Variants in RAB2A observed in about 807,000 individuals in gnomAD.
RAB2A encodes the protein RAB2A, member RAS oncogene family, also known as ras-related protein Rab-2A.
A neutral mutation model predicts 32.5 loss-of-function variants in RAB2A; 7 were observed. That is an observed-to-expected ratio of 0.22 (90% confidence interval 0.12 to 0.40). The LOEUF (loss-of-function observed/expected upper bound fraction) is 0.40. Ranked by LOEUF, RAB2A falls within the 10% of genes least tolerant of loss-of-function variation. RAB2A has a pLI of 1.00. For missense variants in RAB2A, 108 were observed against 260.7 expected, an observed-to-expected ratio of 0.41 and a Z score of 4.03; for synonymous variants, 79 against 85.2, an observed-to-expected ratio of 0.93 and a Z score of 0.40.
intron 1 of RAB2A, among the ~76,000 whole-genome samples, chr8:60,550,008 C>A (rs1408168967): frequency 6.6e-6 from 1 of 151,412 alleles, no homozygotes; most frequent in South Asian, 2.1e-4. Context: ...TTTGCTGATT[C>A]CTCTTTACAT....
chr8:60,549,340 C>G (rs1293672767), intron 1 of RAB2A, among the ~76,000 whole-genome samples: 2 of 152,206 alleles, frequency 1.3e-5, no homozygotes, highest in South Asian at 4.1e-4. Context: ...TGCACTCCAG[C>G]CTGGGCACCA....
chr8:60,607,797 A>T (rs554977820), intron 6 of RAB2A, among the ~76,000 whole-genome samples: 1 of 152,228 alleles, frequency 6.6e-6, no homozygotes, highest in African/African-American at 2.4e-5. Flanking sequence ...TCACAGGACA[A>T]TCAGGCAGAG....
intron 1 of RAB2A, among the ~76,000 whole-genome samples, chr8:60,523,926 G>A (rs1300977381): frequency 6.6e-6 from 1 of 151,944 alleles, no homozygotes; most frequent in Non-Finnish European, 1.5e-5. Flanking sequence ...TCCTGACCTC[G>A]TGATCCGCCT....
intron 6 of RAB2A, among the ~76,000 whole-genome samples, chr8:60,611,765 G>A (rs977785397): frequency 6.6e-5 from 10 of 152,088 alleles, no homozygotes; most frequent in African/African-American, 1.9e-4. Flanking sequence ...ATAACTTGGA[G>A]TAAAATTTTT....
chr8:60,516,913 C>T (rs1807210967), upstream of RAB2A: 1 of 270,296 alleles, frequency 3.7e-6, no homozygotes, highest in South Asian at 7.6e-5. Context: ...CCTCCCCTTT[C>T]CTCCGGCGGC....
chr8:60,548,865 C>T (rs1199275785), intron 1 of RAB2A, among the ~76,000 whole-genome samples: 10 of 151,402 alleles, frequency 6.6e-5, no homozygotes, highest in Admixed American at 3.3e-4. Flanking sequence ...CGGGCAGAGA[C>T]GCTCCTCACT....
At chr8:60,544,450 G>A (rs10096140) in intron 1 of RAB2A, among the ~76,000 whole-genome samples, 83,216 of 151,578 alleles carry the variant, frequency 0.55, 26,332 homozygotes, top group African/African-American at 0.88. Flanking sequence ...TCAGTTTAAC[G>A]TTTGTATTAA....
intron 1 of RAB2A, among the ~76,000 whole-genome samples, chr8:60,553,265 T>C (rs563359055): frequency 1.8e-4 from 28 of 152,338 alleles, no homozygotes; most frequent in Non-Finnish European, 3.5e-4. Context: ...CAGGACAGGC[T>C]GTAACCCACA....
intron 3 of RAB2A, among the ~76,000 whole-genome samples, chr8:60,579,341 C>A (rs1803696385): frequency 1.3e-5 from 2 of 152,208 alleles, no homozygotes. Context: ...CCACACCCAG[C>A]TAATCCTGTG....
intron 3 of RAB2A, chr8:60,583,995 A>G: frequency 2.4e-6 from 1 of 422,482 alleles, no homozygotes; most frequent in Non-Finnish European, 4.4e-6. Flanking sequence ...TGCAGGAGCG[A>G]CTACATGTGC....
At chr8:60,544,333 C>A (rs199704189) in intron 1 of RAB2A, among the ~76,000 whole-genome samples, 2 of 20 alleles carry the variant, frequency 0.1, no homozygotes, top group South Asian at 0.5. Flanking sequence ...AGCCACCACG[C>A]CCCAGCCCAA....
intron 3 of RAB2A, 135 bp downstream of exon 3, chr8:60,572,248 T>G (rs1294024504): frequency 3.3e-6 from 2 of 612,352 alleles, no homozygotes; most frequent in Non-Finnish European, 5.5e-6. Flanking sequence ...TGAGATGAAA[T>G]GTGGTGCTGG....
chr8:60,550,020 T>A (rs1260440283), intron 1 of RAB2A, among the ~76,000 whole-genome samples: 1 of 152,250 alleles, frequency 6.6e-6, no homozygotes, highest in Non-Finnish European at 1.5e-5. Flanking sequence ...TCTTTACATG[T>A]GGCTTATCTT....
chr8:60,595,518 A>G (rs1243308937), intron 6 of RAB2A, among the ~76,000 whole-genome samples: 1 of 152,266 alleles, frequency 6.6e-6, no homozygotes, highest in Non-Finnish European at 1.5e-5. Context: ...TCCAAATACA[A>G]CAGTACAGTT....
intron 3 of RAB2A, 66 bp from the exon 4 acceptor site, chr8:60,584,142 G>A (rs1269208058): frequency 2.3e-6 from 3 of 1,276,620 alleles, no homozygotes; most frequent in East Asian, 4.7e-5. Flanking sequence ...TTCTGTATAT[G>A]AATAATATGA....
At chr8:60,580,177 T>A (rs1803719190) in intron 3 of RAB2A, among the ~76,000 whole-genome samples, 1 of 151,032 alleles carries the variant, frequency 6.6e-6, no homozygotes, top group Non-Finnish European at 1.5e-5. Flanking sequence ...TTGTATTTTT[T>A]AGTAGAGATG....
chr8:60,525,553 C>T (rs1417095442), intron 1 of RAB2A, among the ~76,000 whole-genome samples: 1 of 152,150 alleles, frequency 6.6e-6, no homozygotes, highest in Non-Finnish European at 1.5e-5. Flanking sequence ...CTCCATTCCC[C>T]TTTGCTCTTT....
upstream of RAB2A, chr8:60,516,975 G>C (rs1204258784): frequency 7.2e-6 from 3 of 417,914 alleles, no homozygotes; most frequent in East Asian, 1.1e-4. Flanking sequence ...CGGAGGCGCC[G>C]CGGCGGCTGT....
At chr8:60,584,452 A>G (rs186740531) in intron 4 of RAB2A, among the ~76,000 whole-genome samples, 162 bp downstream of exon 4, 92 of 152,340 alleles carry the variant, frequency 6.0e-4, no homozygotes, top group African/African-American at 2.1e-3. Context: ...GAAACCTGCA[A>G]CTGAATTGTT....
Sources: gnomAD v4.1 joint callset for allele counts (sites outside exome capture counted in the v4.1 genomes callset) on GRCh38, gnomAD v4.1.1 for gene constraint, MANE v1.5 for transcripts, NCBI Gene and HGNC (gene_info 2026-07-23, HGNC 2026-07-21) for gene names.